The following TGIF1 variants were observed in gnomAD, a reference collection of about 807,000 sequenced individuals.
TGIF1 encodes the protein TGFB induced factor homeobox 1, also known as homeobox protein TGIF1.
Under a neutral mutation model 19.3 loss-of-function variants are expected in TGIF1, and 4 were observed. The ratio of observed to expected loss-of-function variants is 0.21; its 90% CI spans 0.10 to 0.47. The LOEUF (loss-of-function observed/expected upper bound fraction) is 0.47, where lower values mean the gene tolerates loss of function less well. Among genes scored for constraint, TGIF1 ranks in the 20% least tolerant of loss-of-function variants. The probability of loss-of-function intolerance (pLI) is 0.98; values close to 1 mark genes in which losing one functional copy is unlikely to be tolerated. For synonymous variants in TGIF1, 122 were observed against 129.3 expected (o/e 0.94, Z 0.38); for missense variants, 275 against 341.4 (o/e 0.81, Z 1.53).
chr18:3,433,756 TGAA>T (rs1250000996), intron 2 of TGIF1, among the ~76,000 whole-genome samples: 2 of 152,144 alleles, frequency 1.3e-5, no homozygotes, highest in African/African-American at 4.8e-5. Context: ...AATGTAACCT[TGAA>T]GAATTTAAGT....
intron 2 of TGIF1, among the ~76,000 whole-genome samples, chr18:3,438,601 A>ACACACACACACACACACACC (rs2082644594): frequency 6.7e-6 from 1 of 149,892 alleles, no homozygotes; most frequent in Non-Finnish European, 1.5e-5. Context: ...ACACAAACAC[A>ACACACACACACACACACACC]CACACACACA....
intron 1 of TGIF1, among the ~76,000 whole-genome samples, chr18:3,414,253 A>G (rs1158911971): frequency 6.6e-6 from 1 of 152,232 alleles, no homozygotes; most frequent in Non-Finnish European, 1.5e-5. Context: ...TTCAGTGGAT[A>G]TGAGTATATG....
chr18:3,439,532 G>A (rs1320247845), intron 2 of TGIF1, among the ~76,000 whole-genome samples: 1 of 151,886 alleles, frequency 6.6e-6, no homozygotes, highest in Non-Finnish European at 1.5e-5. Context: ...TAGTAGAGAT[G>A]GGATTTCTCC....
chr18:3,457,658 T>C lies in TGIF1; in HGVS notation c.537T>C (p.Thr179=). 1 of 1,614,236 alleles carries C rather than the reference T, an allele frequency of 6.2e-7. No homozygotes were observed. Among genetic ancestry groups the C allele is most frequent in the East Asian group, 2.2e-5 (1 of 44,890 alleles). Residue 179 remains threonine, a synonymous_variant, in exon 3 of 3, where the codon ACT becomes ACC. Coordinates refer to ENST00000343820, the MANE Select transcript of TGIF1 (RefSeq NM_003244.4). The surrounding 1 kb of genome is among the most constrained non-coding windows in gnomAD (Gnocchi z 4.9). ...RPSVICHTTV[T]ALKDVPFSLC... is the part of the protein sequence containing the mutation. Reference sequence around the variant, plus strand: ...CAGTGATCTGCCATACCACTGTGACTGCATTGAAAGATGTCCCTTTCTCTC... The same window carrying C: ...CAGTGATCTGCCATACCACTGTGACCGCATTGAAAGATGTCCCTTTCTCTC...
chr18:3,430,442 A>G (rs560701076), intron 2 of TGIF1, among the ~76,000 whole-genome samples: 1 of 152,142 alleles, frequency 6.6e-6, no homozygotes, highest in Non-Finnish European at 1.5e-5. Flanking sequence ...TTATATTATT[A>G]TTTTACATGT....
In TGIF1 at chr18:3,457,216, C is replaced by T; in HGVS notation, c.244-149C>T. ...TTGCTTTCTTGGCGGAGCTCAGATA[C>T]CTTGAAATAACATTGTAAATTCAGA... On this transcript the variant is annotated intron_variant, in intron 2 of 2. Transcript: ENST00000343820. This position sits in a 1 kb window ranked among gnomAD's most constrained non-coding sequence, Gnocchi z 4.9. The T allele has an allele frequency of 2.2e-6, 2 of 923,134 alleles. No homozygotes were observed. The highest frequency in any genetic ancestry group is 3.4e-6 in the Non-Finnish European group (2 of 595,516). 57.2% of individuals were successfully genotyped at this position (923,134 alleles called of 1,614,324 possible).
intron 2 of TGIF1, among the ~76,000 whole-genome samples, chr18:3,420,392 A>G (rs1002739903): frequency 6.6e-6 from 1 of 152,162 alleles, no homozygotes; most frequent in African/African-American, 2.4e-5. Flanking sequence ...CAAAAAAAAA[A>G]TAATATTAAT....
chr18:3,452,386 A>G, intron 1 of TGIF1: 1 of 1,613,208 alleles, frequency 6.2e-7, no homozygotes, highest in Non-Finnish European at 8.5e-7. Context: ...ATGAAAGGTG[A>G]CGGGCTGAAG....
At chr18:3,420,893 G>A (rs1028342723) in intron 2 of TGIF1, among the ~76,000 whole-genome samples, 1 of 152,218 alleles carries the variant, frequency 6.6e-6, no homozygotes, top group Non-Finnish European at 1.5e-5. Context: ...CAGTTAGAAA[G>A]CAGACTAGAA....
chr18:3,444,353 G>T (rs1433051711), intron 2 of TGIF1, among the ~76,000 whole-genome samples: 5 of 150,052 alleles, frequency 3.3e-5, no homozygotes, highest in South Asian at 4.2e-4. Context: ...ACATGTGAAG[G>T]TTTCTTAAAT....
chr18:3,451,914 T>C lies in TGIF1; in HGVS notation c.16+1409T>C. On this transcript the variant is annotated intron_variant, in intron 1 of 2. Coordinates refer to ENST00000343820, the MANE Select transcript of TGIF1 (RefSeq NM_003244.4). The surrounding 1 kb of genome is among the most constrained non-coding windows in gnomAD (Gnocchi z 5.4). ...CGACCCTTGGGAGGACTGACAGGTC[T>C]AGAGACACGCGCTGTCTGTTGTGGT... is the stretch of plus-strand genomic sequence containing the variant. 1 of 1,529,944 alleles carries C rather than the reference T, an allele frequency of 6.5e-7. No homozygotes were observed. The highest frequency in any genetic ancestry group is 8.8e-7 in the Non-Finnish European group (1 of 1,139,318). 94.8% of individuals were successfully genotyped at this position (1,529,944 alleles called of 1,614,324 possible). A position where few individuals can be genotyped will look rare whatever the true frequency, so the allele number is the denominator to read the frequency against.
At chr18:3,426,518 G>C (rs541739084) in intron 2 of TGIF1, among the ~76,000 whole-genome samples, 1 of 152,234 alleles carries the variant, frequency 6.6e-6, no homozygotes, top group South Asian at 2.1e-4. Context: ...AATGGAGAAT[G>C]TTCTCAGAAA....
At chr18:3,453,918 A>G (rs772047229) in intron 1 of TGIF1, 2 of 832,576 alleles carry the variant, frequency 2.4e-6, no homozygotes, top group African/African-American at 1.8e-5. Flanking sequence ...AAGCGCTGTT[A>G]CAATAGGAAA....
intron 2 of TGIF1, chr18:3,418,382 G>A (rs1032479116): frequency 2.0e-5 from 3 of 152,190 alleles, no homozygotes; most frequent in Non-Finnish European, 4.4e-5. Context: ...ATCCATGGGG[G>A]ATTGGTTCCA....
intron 2 of TGIF1, among the ~76,000 whole-genome samples, chr18:3,444,374 G>T (rs1034714439): frequency 2.8e-5 from 4 of 143,866 alleles, no homozygotes; most frequent in Non-Finnish European, 6.0e-5. Flanking sequence ...AAGAAAACAT[G>T]TCACAGGGTT....
chr18:3,457,953 C>G lies in TGIF1; in HGVS notation c.*13C>G, dbSNP rs1308225202. On this transcript the variant is annotated 3_prime_UTR_variant, in exon 3 of 3. Transcript: ENST00000343820. This position sits in a 1 kb window ranked among gnomAD's most constrained non-coding sequence, Gnocchi z 4.9. ...ACTTACAGCTTAACCCATTTTCAAG[C>G]AAAACAGTTCTCAGAAATGTCATGA... 2 of 1,597,796 alleles carry G rather than the reference C, an allele frequency of 1.3e-6. No homozygotes were observed. The highest frequency in any genetic ancestry group is 2.2e-5 in the East Asian group (1 of 44,866).
chr18:3,447,824 C>T (rs759755779), upstream of TGIF1: 1 of 1,613,844 alleles, frequency 6.2e-7, no homozygotes, highest in South Asian at 1.1e-5. Context: ...GTTTTTTCCT[C>T]CCCCTAATTC....
chr18:3,433,614 G>T (rs2082579035), intron 2 of TGIF1, among the ~76,000 whole-genome samples: 1 of 152,212 alleles, frequency 6.6e-6, no homozygotes, highest in Non-Finnish European at 1.5e-5. Flanking sequence ...ATACAGAAGA[G>T]AAGTTACTAG....
rs1196438971 is a variant in TGIF1 at position 3,426,381 on chromosome 18, CT to C, written c.-45+8167del. ...ACAGGGTTTCACTGTGTTGTCTAGG[CT>C]GGTCTCAAACTCCTGACCTCCAGCG... is the stretch of plus-strand genomic sequence containing the variant. On this transcript the variant is annotated intron_variant, in intron 2 of 3. Transcript: ENST00000401449. 5.9e-5 allele frequency among the ~76,000 whole-genome samples: 9 copies of C among 152,084 alleles called. 1 individual carries two copies. Among genetic ancestry groups the C allele is most frequent in the Admixed American group, 5.9e-4 (9 of 15,264 alleles).
Sources: gnomAD v4.1 joint callset for allele counts (sites outside exome capture counted in the v4.1 genomes callset) on GRCh38, gnomAD v4.1.1 for gene constraint, Gnocchi (gnomAD v3.1) non-coding constraint, MANE v1.5 for transcripts, NCBI Gene and HGNC (gene_info 2026-07-23, HGNC 2026-07-21) for gene names.